SGCD: variants seen among roughly 807,000 people sequenced by gnomAD.
The protein encoded by SGCD is delta-sarcoglycan.
SGCD carries 18 observed loss-of-function variants against 36.6 expected under a neutral mutation model. The ratio of observed to expected loss-of-function variants is 0.49; its 90% CI spans 0.34 to 0.73. The LOEUF is 0.73. Ranked by LOEUF, SGCD falls within the 30% of genes least tolerant of loss-of-function variation. The probability of loss-of-function intolerance (pLI) is 0.01; values close to 1 mark genes in which losing one functional copy is unlikely to be tolerated. For missense variants in SGCD, 387 were observed against 346.7 expected, an observed-to-expected ratio of 1.12 and a Z score of -0.92; for synonymous variants, 133 against 130.6, an observed-to-expected ratio of 1.02 and a Z score of -0.12.
chr5:156,383,008 G>A (rs1483435027), intron 3 of SGCD, among the ~76,000 whole-genome samples: 1 of 152,104 alleles, frequency 6.6e-6, no homozygotes, highest in East Asian at 1.9e-4. Flanking sequence ...TGACCATCAG[G>A]CAATTTTATA....
intron 6 of SGCD, among the ~76,000 whole-genome samples, chr5:156,624,347 C>A (rs1212773101): frequency 3.9e-5 from 6 of 152,146 alleles, no homozygotes; most frequent in Admixed American, 3.9e-4. Flanking sequence ...TTTGGGAGGC[C>A]AAGGCGGGTG....
At chr5:156,444,755 T>C (rs1363001692) in intron 3 of SGCD, among the ~76,000 whole-genome samples, 1 of 152,140 alleles carries the variant, frequency 6.6e-6, no homozygotes, top group Admixed American at 6.6e-5. Flanking sequence ...ACATTCAGCA[T>C]GAAAATGTAT....
intron 6 of SGCD, among the ~76,000 whole-genome samples, chr5:156,616,953 A>G (rs1209610136): frequency 6.6e-6 from 1 of 152,222 alleles, no homozygotes; most frequent in East Asian, 1.9e-4. Flanking sequence ...AGACTAAAAT[A>G]TCTACTATCT....
chr5:156,487,614 C>A lies in SGCD; in HGVS notation c.193-20987C>A, dbSNP rs559730665. Among the ~76,000 whole-genome samples the A allele has an allele frequency of 2.0e-5, 3 of 151,108 alleles. No individual in the cohort carries two copies. In the South Asian group the frequency reaches 6.3e-4, roughly 32 times the overall value. On this transcript the variant is annotated intron_variant, in intron 3 of 8. Transcript: ENST00000337851. ...ACCAGCCTGACCAACGTGGTGAAAC[C>A]CCATCTCTACTAAAAATACAAAAAT...
intron 6 of SGCD, among the ~76,000 whole-genome samples, chr5:156,608,091 G>T (rs1047543516): frequency 7.5e-4 from 114 of 152,126 alleles, no homozygotes; most frequent in Non-Finnish European, 1.4e-3. Context: ...GCTAGTTTTT[G>T]AATGTGTTTG....
intron 3 of SGCD, among the ~76,000 whole-genome samples, chr5:156,295,791 C>T (rs987003831): frequency 6.6e-6 from 1 of 152,176 alleles, no homozygotes; most frequent in African/African-American, 2.4e-5. Context: ...CTATTTTATT[C>T]CTACCAAAAT....
chr5:156,297,029 A>AT (rs201535229), intron 3 of SGCD, among the ~76,000 whole-genome samples: 7,850 of 141,148 alleles, frequency 0.056, 647 homozygotes, highest in African/African-American at 0.22. Flanking sequence ...TATAGCATAT[A>AT]AATATATATA....
chr5:156,597,537 C>A (rs946161007), intron 6 of SGCD, among the ~76,000 whole-genome samples: 1 of 152,134 alleles, frequency 6.6e-6, no homozygotes, highest in Admixed American at 6.6e-5. Context: ...AAAAACCCAC[C>A]CCTATGATTC....
At chr5:155,915,618 T>C (rs1026425895) in intron 1 of SGCD, among the ~76,000 whole-genome samples, 1 of 152,240 alleles carries the variant, frequency 6.6e-6, no homozygotes, top group Admixed American at 6.5e-5. Flanking sequence ...AATTGATTTA[T>C]GTTTGAAAAC....
At chr5:156,199,538 G>A (rs1202695131) in intron 3 of SGCD, among the ~76,000 whole-genome samples, 1 of 152,164 alleles carries the variant, frequency 6.6e-6, no homozygotes, top group East Asian at 1.9e-4. Flanking sequence ...TACAGAAGAA[G>A]GAAAAAGGGA....
chr5:156,096,636 T>G (rs940129651), intron 1 of SGCD, among the ~76,000 whole-genome samples: 1 of 152,174 alleles, frequency 6.6e-6, no homozygotes, highest in African/African-American at 2.4e-5. Context: ...GTCCCTGGAC[T>G]GTTTCAAGAT....
intron 3 of SGCD, among the ~76,000 whole-genome samples, chr5:156,195,133 T>G (rs1480337537): frequency 2.0e-5 from 3 of 152,212 alleles, no homozygotes; most frequent in Non-Finnish European, 4.4e-5. Flanking sequence ...TAAATGGTGT[T>G]GTCAAAATTA....
At chr5:155,958,546 C>T (rs1296989638) in intron 1 of SGCD, among the ~76,000 whole-genome samples, 5 of 152,074 alleles carry the variant, frequency 3.3e-5, no homozygotes, top group African/African-American at 1.2e-4. Context: ...CCAGTGTCTT[C>T]TACTTAAAAG....
At chr5:156,621,136 A>G (rs1225512333) in intron 6 of SGCD, among the ~76,000 whole-genome samples, 1 of 152,218 alleles carries the variant, frequency 6.6e-6, no homozygotes, top group Non-Finnish European at 1.5e-5. Flanking sequence ...TGTGTTGACC[A>G]AAGGGACACT....
chr5:155,860,409 G>A, the SGCD span, among the ~76,000 whole-genome samples: 199 of 152,232 alleles, frequency 1.3e-3, no homozygotes, highest in Non-Finnish European at 2.4e-3. Context: ...TTTTAGTTGG[G>A]AAACTGAGTC....
At chr5:156,437,019 AT>A (rs1023117706) in intron 3 of SGCD, among the ~76,000 whole-genome samples, 11 of 151,434 alleles carry the variant, frequency 7.3e-5, no homozygotes, top group Admixed American at 5.3e-4. Flanking sequence ...TGTGTCCCAT[AT>A]TTTTTTTTAT....
intron 1 of SGCD, among the ~76,000 whole-genome samples, chr5:155,938,091 C>T (rs1400694676): frequency 6.6e-6 from 1 of 152,212 alleles, no homozygotes; most frequent in African/African-American, 2.4e-5. Context: ...CCTGCACATA[C>T]AGACACTCAA....
chr5:155,943,240 T>C (rs1020728081), intron 1 of SGCD, among the ~76,000 whole-genome samples: 1 of 152,212 alleles, frequency 6.6e-6, no homozygotes, highest in African/African-American at 2.4e-5. Context: ...CTATTGCATA[T>C]AAAATGCTTG....
chr5:155,802,008 T>C, the SGCD span, among the ~76,000 whole-genome samples: 3 of 152,200 alleles, frequency 2.0e-5, no homozygotes, highest in Non-Finnish European at 2.9e-5. Context: ...GAATGGTCTA[T>C]GTAGTCCTGC....
Sources: gnomAD v4.1 joint callset for allele counts (sites outside exome capture counted in the v4.1 genomes callset) on GRCh38, gnomAD v4.1.1 for gene constraint, MANE v1.5 for transcripts, NCBI Gene and HGNC (gene_info 2026-07-23, HGNC 2026-07-21) for gene names.